MIA2: variants seen among roughly 807,000 people sequenced by gnomAD.
The protein encoded by MIA2 is melanoma inhibitory activity protein 2.
MIA2 carries 127 observed loss-of-function variants against 167.8 expected under a neutral mutation model. The observed-to-expected ratio is 0.76, with a 90% CI of 0.66 to 0.88. The LOEUF (loss-of-function observed/expected upper bound fraction) is 0.88, where lower values mean the gene tolerates loss of function less well. Among genes scored for constraint, MIA2 ranks in the 40% least tolerant of loss-of-function variants. The pLI is 0.00. For synonymous variants in MIA2, 552 were observed against 541.9 expected (o/e 1.02, Z -0.26); for missense variants, 1,690 against 1,624.7 (o/e 1.04, Z -0.69).
downstream of MIA2, chr14:39,351,388 AAAC>A (rs1241178890): frequency 6.6e-6 from 1 of 151,472 alleles, no homozygotes; most frequent in Non-Finnish European, 1.5e-5. Flanking sequence ...CAAAAAAAAA[AAAC>A]AAAAAACAAA....
At chr14:39,269,098 T>TTTTTTTTTTTC in intron 6 of MIA2, 1 of 883,176 alleles carries the variant, frequency 1.1e-6, no homozygotes, top group Non-Finnish European at 1.3e-6. Context: ...TTTTTTTTTT[T>TTTTTTTTTTTC]TGCTAAATGC....
chr14:39,311,136 A>G (rs2064163239), intron 18 of MIA2, among the ~76,000 whole-genome samples: 1 of 152,156 alleles, frequency 6.6e-6, no homozygotes, highest in African/African-American at 2.4e-5. Flanking sequence ...ACTGAGTAGT[A>G]CCCTAGTTGT....
intron 25 of MIA2, among the ~76,000 whole-genome samples, chr14:39,337,677 C>A (rs2070751690): frequency 6.6e-6 from 1 of 152,002 alleles, no homozygotes; most frequent in Non-Finnish European, 1.5e-5. Context: ...GTGAAGAAAA[C>A]CAGTCTCAAA....
At chr14:39,353,278 A>G (rs1257435190), downstream of MIA2, among the ~76,000 whole-genome samples, 2 of 152,190 alleles carry the variant, frequency 1.3e-5, no homozygotes, top group South Asian at 4.1e-4. Context: ...ATTATCAAAG[A>G]TTAGAATTTA....
intron 2 of MIA2, 143 bp downstream of exon 2, chr14:39,237,198 A>G (rs761026097): frequency 1.1e-6 from 1 of 902,788 alleles, no homozygotes; most frequent in Non-Finnish European, 1.7e-6. Flanking sequence ...ACAGCTCACT[A>G]CAACTTCCAG....
chr14:39,336,924 T>C (rs2070551951), intron 25 of MIA2, among the ~76,000 whole-genome samples: 1 of 152,132 alleles, frequency 6.6e-6, no homozygotes, highest in African/African-American at 2.4e-5. Context: ...TTTTATTTTA[T>C]TTTAAATTGT....
rs535425590 is a variant in MIA2 at position 39,262,085 on chromosome 14, G to T, written c.1887+8914G>T. Among the ~76,000 whole-genome samples the T allele has an allele frequency of 3.8e-3, 578 of 152,204 alleles. 6 individuals are homozygous for T. The highest frequency in any genetic ancestry group is 0.013 in the African/African-American group (539 of 41,508). ...TTGCCCATGCCTATGTCCTGAATGGGATTGCCTAGGTTTTCTTCTAGGGTT... is the reference window on the plus strand; with the variant it reads ...TTGCCCATGCCTATGTCCTGAATGGTATTGCCTAGGTTTTCTTCTAGGGTT... On this transcript the variant is annotated intron_variant, in intron 6 of 28. Coordinates refer to ENST00000640607, the MANE Select transcript of MIA2 (RefSeq NM_001329214.4).
chr14:39,377,800 T>C (rs1427876191), intron 23 of MIA2, among the ~76,000 whole-genome samples: 1 of 152,190 alleles, frequency 6.6e-6, no homozygotes, highest in Admixed American at 6.5e-5. Flanking sequence ...AACTTTTTTT[T>C]ATAAGGAATC....
At chr14:39,271,483 G>C (rs1451210203) in intron 6 of MIA2, among the ~76,000 whole-genome samples, 1 of 152,026 alleles carries the variant, frequency 6.6e-6, no homozygotes, top group African/African-American at 2.4e-5. Context: ...TGGCTATGTG[G>C]AGTCCCTTGC....
At position 39,350,200 on chromosome 14, in the gene MIA2, C is replaced by T; in HGVS notation, c.4175C>T (p.Ser1392Leu). 2 of 1,512,294 alleles carry T rather than the reference C, an allele frequency of 1.3e-6. No individual in the cohort carries two copies. The highest frequency in any genetic ancestry group is 1.8e-6 in the Non-Finnish European group (2 of 1,119,658). 93.7% of individuals were successfully genotyped at this position (1,512,294 alleles called of 1,614,324 possible). A position where few individuals can be genotyped will look rare whatever the true frequency, so the allele number is the denominator to read the frequency against. Residue 1392 changes from serine to leucine, a missense_variant, in exon 29 of 29, where the codon TCA becomes TTA. Physicochemically the swap from Ser to Leu is moderately radical, Grantham distance 145. Coordinates refer to ENST00000640607, the MANE Select transcript of MIA2 (RefSeq NM_001329214.4). ...PHSEGRSEFP[S>L]GLIPPSNEPA... ...TCTGAAGGTAGAAGTGAGTTCCCCT[C>T]AGGTTTGATTCCACCTTCAAATGAG... is the stretch of plus-strand genomic sequence containing the variant.
chr14:39,315,849 A>T, intron 21 of MIA2, 131 bp downstream of exon 21: 1 of 630,918 alleles, frequency 1.6e-6, no homozygotes, highest in Non-Finnish European at 2.6e-6. Flanking sequence ...TTTTACAAGT[A>T]GTGAAATTAT....
intron 9 of MIA2, among the ~76,000 whole-genome samples, chr14:39,289,355 C>T (rs115005528): frequency 0.023 from 3,457 of 151,988 alleles, 129 homozygotes; most frequent in African/African-American, 0.076. Context: ...GCTGGGATTA[C>T]GAGTACACGT....
chr14:39,370,557 C>T (rs976418212), intron 23 of MIA2: 16 of 376,132 alleles, frequency 4.3e-5, no homozygotes, highest in African/African-American at 1.7e-4. Flanking sequence ...TATGCACCAC[C>T]GTGTTGCTGA....
In MIA2 at chr14:39,374,725, C is replaced by A. The variant is rs1490446430; in HGVS notation, c.2249-12160C>A. 4.6e-5 allele frequency among the ~76,000 whole-genome samples: 7 copies of A among 152,214 alleles called. 1 individual carries two copies. The highest frequency in any genetic ancestry group is 1.0e-4 in the Non-Finnish European group (7 of 68,048). ...ACATGGAAATTAGGCAGCTATTTAA[C>A]AGGTCTGAGGGATGTTTCTGTATTG... is the stretch of plus-strand genomic sequence containing the variant. On this transcript the variant is annotated intron_variant, in intron 23 of 23. Coordinates refer to the MIA2 transcript ENST00000341502.
At chr14:39,341,065 G>C (rs1242311305) in intron 25 of MIA2, among the ~76,000 whole-genome samples, 1 of 152,150 alleles carries the variant, frequency 6.6e-6, no homozygotes, top group East Asian at 1.9e-4. Flanking sequence ...ACTTTGGGAA[G>C]CTGAGGCGGG....
At chr14:39,239,260 C>A (rs2053934377) in intron 2 of MIA2, among the ~76,000 whole-genome samples, 1 of 152,178 alleles carries the variant, frequency 6.6e-6, no homozygotes, top group African/African-American at 2.4e-5. Context: ...AAATGCCAGT[C>A]TAAGGCCAGG....
chr14:39,325,366 A>ATTT (rs1203450043), intron 24 of MIA2, among the ~76,000 whole-genome samples: 10 of 136,982 alleles, frequency 7.3e-5, no homozygotes, highest in African/African-American at 8.4e-5. Flanking sequence ...TGAATGTTAA[A>ATTT]TTTTTTTTTT....
At chr14:39,352,048 A>C (rs190084385), downstream of MIA2, among the ~76,000 whole-genome samples, 486 of 152,250 alleles carry the variant, frequency 3.2e-3, no homozygotes, top group African/African-American at 0.011. Flanking sequence ...GTAATAGGCT[A>C]ATGATACATT....
intron 24 of MIA2, among the ~76,000 whole-genome samples, chr14:39,324,620 T>A (rs11157059): frequency 0.6 from 90,287 of 151,628 alleles, 27,383 homozygotes; most frequent in South Asian, 0.68. Context: ...TTTTATTTTT[T>A]TTTTTTGAGA....
Sources: allele counts gnomAD v4.1 joint callset (sites outside exome capture counted in the v4.1 genomes callset), GRCh38; gene constraint gnomAD v4.1.1; transcripts MANE v1.5; gene names NCBI Gene and HGNC (gene_info 2026-07-23, HGNC 2026-07-21).